SLC5A10: variants seen among roughly 807,000 people sequenced by gnomAD.
The protein encoded by SLC5A10 is solute carrier family 5 member 10.
SLC5A10 carries 55 observed loss-of-function variants against 68.9 expected under a neutral mutation model. The observed-to-expected ratio is 0.80, with a 90% confidence interval of 0.64 to 1.00. The LOEUF (loss-of-function observed/expected upper bound fraction) is 1.00, where lower values mean the gene tolerates loss of function less well. Ranked by LOEUF, SLC5A10 falls within the 50% of genes least tolerant of loss-of-function variation. The pLI, the probability that SLC5A10 is intolerant of heterozygous loss-of-function variation, is 0.00. For missense variants in SLC5A10, 732 were observed against 819.3 expected (o/e 0.89, Z 1.30); for synonymous variants, 344 against 344.8 (o/e 1.00, Z 0.02).
At chr17:18,960,722 C>A in intron 5 of SLC5A10, 70 bp downstream of exon 5, 4 of 1,392,008 alleles carry the variant, frequency 2.9e-6, no homozygotes, top group Non-Finnish European at 4.1e-6. Context: ...CTCAAGAGGA[C>A]CTGACATCTT....
intron 8 of SLC5A10, among the ~76,000 whole-genome samples, chr17:18,972,951 C>G (rs2042892466): frequency 6.6e-6 from 1 of 152,110 alleles, no homozygotes. Flanking sequence ...CCATCTGTAA[C>G]ACGTGGTCCT....
intron 9 of SLC5A10, chr17:18,978,921 T>C (rs2152010383): frequency 6.5e-7 from 1 of 1,543,952 alleles, no homozygotes. Context: ...CGTGCACCCA[T>C]AGCCGCTGGG....
rs1043235717 is a variant in SLC5A10 at position 18,998,220 on chromosome 17, C to T, written c.983-15190C>T. Among the ~76,000 whole-genome samples the T allele has an allele frequency of 5.3e-5, 8 of 152,284 alleles. No individual in the cohort carries two copies. The East Asian group carries it at 7.7e-4, about 15-fold the overall frequency. On this transcript the variant is annotated intron_variant, in intron 9 of 14. Transcript: ENST00000395645. ...ACAGGGTGGGACCCCATCTTCCTCC[C>T]CAGCTGCTCTCAAGGCAGAGGGTAG...
In SLC5A10 at chr17:19,021,972, G is replaced by A. The variant is rs779619850; in HGVS notation, c.*1541G>A. On this transcript the variant is annotated 3_prime_UTR_variant, in exon 15 of 15. Transcript: ENST00000395645. This position sits in a 1 kb window ranked among gnomAD's most constrained non-coding sequence, Gnocchi z 4.1. ...CCGCCGGGCTGCTCACAGGTGCACG[G>A]GCTGCACGTAACTCCGTGGGAAGAA... The A allele has an allele frequency of 6.4e-7, 1 of 1,565,198 alleles. No homozygotes were observed. Among genetic ancestry groups the A allele is most frequent in the Non-Finnish European group, 8.6e-7 (1 of 1,156,912 alleles).
At chr17:18,986,571 C>G (rs1286840957) in intron 9 of SLC5A10, among the ~76,000 whole-genome samples, 2 of 152,356 alleles carry the variant, frequency 1.3e-5, no homozygotes, top group Middle Eastern at 3.4e-3. Context: ...AGGCCCCCCA[C>G]CTGCCCCATT....
At position 18,971,608 on chromosome 17, in the gene SLC5A10, G is replaced by A. The variant is rs1227212975; in HGVS notation, c.846+390G>A. ...GACCTCCCTTGGCCTGCCAGTGGTG[G>A]GGGCCAGCCATGGCTGGGCCAGCGT... On this transcript the variant is annotated intron_variant, in intron 8 of 14. Transcript: ENST00000395645. The surrounding 1 kb of genome is among the most constrained non-coding windows in gnomAD (Gnocchi z 5.5). The A allele has an allele frequency of 6.2e-7, 1 of 1,613,570 alleles. No homozygotes were observed. The highest frequency in any genetic ancestry group is 1.7e-5 in the Admixed American group (1 of 60,022).
chr17:18,960,527 C>T, intron 4 of SLC5A10, 21 bp from the exon 5 acceptor site: 1 of 1,610,170 alleles, frequency 6.2e-7, no homozygotes, highest in Non-Finnish European at 8.5e-7. Context: ...ATGCTTAGCC[C>T]CTACCCATGT....
intron 10 of SLC5A10, among the ~76,000 whole-genome samples, chr17:19,013,979 A>C (rs1597911631): frequency 1.3e-5 from 2 of 152,168 alleles, no homozygotes; most frequent in African/African-American, 4.8e-5. Context: ...GAAAACTGTG[A>C]TTTGACTCAC....
chr17:18,997,564 C>T (rs770624034), intron 9 of SLC5A10, among the ~76,000 whole-genome samples: 2 of 152,220 alleles, frequency 1.3e-5, no homozygotes, highest in Admixed American at 6.5e-5. Flanking sequence ...GGTCCAAGAG[C>T]GACAGACATT....
chr17:19,013,498 C>A lies in SLC5A10; in HGVS notation c.1071C>A (p.Val357=). The A allele has an allele frequency of 1.9e-6, 3 of 1,594,972 alleles. No individual in the cohort carries two copies. The South Asian group carries it at 3.4e-5, about 18-fold the overall frequency. The part of the protein sequence containing the change: ...GCSNIAYPKL[V]MELMPIGLRG... ...CCAACATCGCCTACCCCAAGCTGGT[C>A]ATGGAACTGATGCCCATCGGTGAGG... Residue 357 remains valine, a synonymous_variant, in exon 10 of 15, where the codon GTC becomes GTA. Transcript: ENST00000395645.
At chr17:19,016,773 C>T (rs895142794) in intron 11 of SLC5A10, among the ~76,000 whole-genome samples, 3 of 152,202 alleles carry the variant, frequency 2.0e-5, no homozygotes, top group African/African-American at 4.8e-5. Context: ...GCTCCCCTGC[C>T]TCTCCTCAGA....
intron 9 of SLC5A10, chr17:18,977,950 G>T: frequency 6.2e-7 from 1 of 1,604,746 alleles, no homozygotes; most frequent in Non-Finnish European, 8.5e-7. Flanking sequence ...GCCCATTGGG[G>T]AGCCCCACCC....
In SLC5A10 at chr17:19,021,749, C is replaced by A. The variant is rs2044267613; in HGVS notation, c.*1318C>A. The A allele has an allele frequency of 7.1e-6, 3 of 425,374 alleles. No homozygotes were observed. Among genetic ancestry groups the A allele is most frequent in the African/African-American group, 4.1e-5 (2 of 49,008 alleles). 26.3% of individuals were successfully genotyped at this position (425,374 alleles called of 1,614,324 possible). Reference sequence around the variant, plus strand: ...CAATGGAAAGCAACCAGCCAGGAAGCCCCGGAGCTACCCTTGCTGGGTACC... The same window carrying A: ...CAATGGAAAGCAACCAGCCAGGAAGACCCGGAGCTACCCTTGCTGGGTACC... On this transcript the variant is annotated 3_prime_UTR_variant, in exon 15 of 15. Transcript: ENST00000395645. The surrounding 1 kb of genome is among the most constrained non-coding windows in gnomAD (Gnocchi z 4.1).
At chr17:18,969,565 C>A in intron 7 of SLC5A10, 143 bp downstream of exon 7, 2 of 708,476 alleles carry the variant, frequency 2.8e-6, no homozygotes, top group Non-Finnish European at 4.6e-6. Context: ...GGAGGTTGAG[C>A]CACTAGGCAG....
At position 18,954,576 on chromosome 17, in the gene SLC5A10, G is replaced by A. The variant is rs907366121; in HGVS notation, c.111+2260G>A. On this transcript the variant is annotated intron_variant, in intron 1 of 14. Transcript: ENST00000395645. ...GGATGCTGGAGATGCATCCCACAGG[G>A]AGAAGCAGACAGAGCAAGCCAGGCA... Among the ~76,000 whole-genome samples, 14 of 152,360 alleles carry A rather than the reference G, an allele frequency of 9.2e-5. 1 individual carries two copies. The South Asian group carries it at 2.7e-3, about 29-fold the overall frequency.
At position 19,018,655 on chromosome 17, in the gene SLC5A10, G is replaced by A. The variant is rs998117385; in HGVS notation, c.1242-768G>A. The A allele has an allele frequency of 6.6e-6, 1 of 152,538 alleles. No individual in the cohort carries two copies. The highest frequency in any genetic ancestry group is 1.5e-5 in the Non-Finnish European group (1 of 68,248). The allele number at this position is 152,538 out of a possible 1,614,324, so 9.4% of individuals were successfully genotyped here. A position where few individuals can be genotyped will look rare whatever the true frequency, so the allele number is the denominator to read the frequency against. ...CCTAAGGGAGAGGCAGGCAGGAGCT[G>A]ACACGCAGGGGACAGGAGGGGACGG... On this transcript the variant is annotated intron_variant, in intron 11 of 14. Coordinates refer to ENST00000395645, the MANE Select transcript of SLC5A10 (RefSeq NM_001042450.4). This position sits in a 1 kb window ranked among gnomAD's most constrained non-coding sequence, Gnocchi z 4.2.
intron 9 of SLC5A10, among the ~76,000 whole-genome samples, chr17:18,982,602 T>C (rs73306468): frequency 0.041 from 6,163 of 151,920 alleles, 403 homozygotes; most frequent in African/African-American, 0.14. Context: ...GACGGCCGGG[T>C]GGTGCTTCAT....
At chr17:18,960,931 G>A (rs775262478) in intron 5 of SLC5A10, among the ~76,000 whole-genome samples, 1 of 152,184 alleles carries the variant, frequency 6.6e-6, no homozygotes, top group African/African-American at 2.4e-5. Flanking sequence ...CAGGGTGTTA[G>A]GACGGTTCTC....
Position 19,021,657 on chromosome 17 carries a change from C to T in SLC5A10, c.*1226C>T. Reference sequence around the variant, plus strand: ...TCCTCAACCTTCCTGGCAGATGGGGCCATTGACAAGAGGAGGTGGGCGGGG... The same window carrying T: ...TCCTCAACCTTCCTGGCAGATGGGGTCATTGACAAGAGGAGGTGGGCGGGG... On this transcript the variant is annotated 3_prime_UTR_variant, in exon 15 of 15. Coordinates refer to ENST00000395645, the MANE Select transcript of SLC5A10 (RefSeq NM_001042450.4). The surrounding 1 kb of genome is among the most constrained non-coding windows in gnomAD (Gnocchi z 4.1). The T allele has an allele frequency of 2.5e-6, 1 of 397,216 alleles. No individual in the cohort carries two copies. Among genetic ancestry groups the T allele is most frequent in the African/African-American group, 2.1e-5 (1 of 48,740 alleles). The allele number at this position is 397,216 out of a possible 1,614,324, so 24.6% of individuals were successfully genotyped here.
Sources: gnomAD v4.1 joint callset for allele counts (sites outside exome capture counted in the v4.1 genomes callset) on GRCh38, gnomAD v4.1.1 for gene constraint, Gnocchi (gnomAD v3.1) non-coding constraint, MANE v1.5 for transcripts, NCBI Gene and HGNC (gene_info 2026-07-23, HGNC 2026-07-21) for gene names.